The following POLR3B variants were observed in gnomAD, a reference collection of about 807,000 sequenced individuals.
The protein encoded by POLR3B is DNA-directed RNA polymerase III subunit RPC2.
POLR3B carries 96 observed loss-of-function variants against 147.4 expected under a neutral mutation model. The observed-to-expected ratio is 0.65, with a 90% confidence interval of 0.55 to 0.77. The LOEUF (loss-of-function observed/expected upper bound fraction) is 0.77. POLR3B is among the 30% of genes least tolerant of loss of function. The pLI is 0.00. For synonymous variants in POLR3B, 461 were observed against 485.9 expected (o/e 0.95, Z 0.67); for missense variants, 1,036 against 1,413.5 (o/e 0.73, Z 4.28).
chr12:106,465,825 C>T (rs896091896), intron 23 of POLR3B, among the ~76,000 whole-genome samples: 2 of 152,168 alleles, frequency 1.3e-5, no homozygotes, highest in Non-Finnish European at 2.9e-5. Flanking sequence ...GTATTCCATA[C>T]TGTATATGTG....
At chr12:106,490,254 A>T (rs75920597) in intron 23 of POLR3B, among the ~76,000 whole-genome samples, 2,443 of 152,254 alleles carry the variant, frequency 0.016, 65 homozygotes, top group African/African-American at 0.055. Context: ...CTCTTGACAC[A>T]TTCAGCCGTG....
chr12:106,432,446 C>G lies in POLR3B; in HGVS notation c.1593C>G (p.Leu531=), dbSNP rs1593038230. ...EDVNLLCGEE[L]SYPNVFLVFL... ...TGAATTTATTATGTGGGGAAGAGCTCTCTTACCCAAATGTGTTTCTTGTCT... is the reference window on the plus strand; with the variant it reads ...TGAATTTATTATGTGGGGAAGAGCTGTCTTACCCAAATGTGTTTCTTGTCT... Residue 531 remains leucine (L), a synonymous_variant, in exon 15 of 28, where the codon CTC becomes CTG. Coordinates refer to ENST00000228347, the MANE Select transcript of POLR3B (RefSeq NM_018082.6). The G allele has an allele frequency of 6.2e-6, 10 of 1,613,328 alleles. No individual in the cohort carries two copies. The highest frequency in any genetic ancestry group is 8.5e-6 in the Non-Finnish European group (10 of 1,179,312).
At position 106,363,997 on chromosome 12, in the gene POLR3B, A is replaced by T. The variant is rs991414901; in HGVS notation, c.105+95A>T. ...TAAAGATTAAATTTTTGTCATCAAC[A>T]TTTTTTGATTTTGTATAGCTGTGTT... On this transcript the variant is annotated intron_variant, in intron 2 of 27. Coordinates refer to ENST00000228347, the MANE Select transcript of POLR3B (RefSeq NM_018082.6). The T allele has an allele frequency of 4.4e-6, 4 of 913,866 alleles. No individual in the cohort carries two copies. In the Admixed American group the frequency reaches 7.9e-5, roughly 18 times the overall value. The allele number at this position is 913,866 out of a possible 1,614,324, so 56.6% of individuals were successfully genotyped here. A position where few individuals can be genotyped will look rare whatever the true frequency, so the allele number is the denominator to read the frequency against.
At chr12:106,405,579 C>CACACACAA (rs893279246) in intron 10 of POLR3B, among the ~76,000 whole-genome samples, 1 of 145,234 alleles carries the variant, frequency 6.9e-6, no homozygotes. Flanking sequence ...CACACACACA[C>CACACACAA]AAATATATTT....
intron 20 of POLR3B, among the ~76,000 whole-genome samples, chr12:106,455,299 T>C (rs1376012199): frequency 4.6e-5 from 7 of 152,188 alleles, no homozygotes; most frequent in African/African-American, 1.7e-4. Context: ...CTGACTTCTC[T>C]ATTCATAATC....
chr12:106,419,794 CTTTTT>C lies in POLR3B; in HGVS notation c.1102-7386_1102-7382del, dbSNP rs56756383. On this transcript the variant is annotated intron_variant, in intron 12 of 27. Transcript: ENST00000228347. ...ATAGTGAGCCAGATATTTAGTTTTG[CTTTTT>C]TTTTTTTTTTTTTTTTAATGAACTT... is the stretch of plus-strand genomic sequence containing the variant. Among the ~76,000 whole-genome samples, 139 of 88,944 alleles carry C rather than the reference CTTTTT, an allele frequency of 1.6e-3. No individual in the cohort carries two copies. In the Middle Eastern group the frequency reaches 0.047, roughly 30 times the overall value. 58.4% of individuals were successfully genotyped at this position (88,944 alleles called of 152,430 possible).
chr12:106,471,016 G>C (rs2038083583), intron 23 of POLR3B, among the ~76,000 whole-genome samples: 1 of 152,212 alleles, frequency 6.6e-6, no homozygotes, highest in Admixed American at 6.5e-5. Flanking sequence ...TGACGTTTAA[G>C]TCTGGAGAAG....
At chr12:106,389,508 C>A (rs529735366) in intron 9 of POLR3B, among the ~76,000 whole-genome samples, 1 of 152,280 alleles carries the variant, frequency 6.6e-6, no homozygotes, top group Admixed American at 6.5e-5. Context: ...CTTGAAGTGG[C>A]AATCCATACG....
intron 9 of POLR3B, among the ~76,000 whole-genome samples, chr12:106,384,175 G>GA (rs2036802878): frequency 1.3e-5 from 2 of 151,772 alleles, no homozygotes; most frequent in Non-Finnish European, 2.9e-5. Flanking sequence ...CTTAAATTTG[G>GA]AAAAAACACA....
At chr12:106,414,811 G>A (rs1291045156) in intron 12 of POLR3B, among the ~76,000 whole-genome samples, 17 of 152,128 alleles carry the variant, frequency 1.1e-4, no homozygotes, top group African/African-American at 2.4e-5. Context: ...ACTAAACTTA[G>A]CAACTAATAA....
At chr12:106,500,039 G>C in intron 25 of POLR3B, 1 of 455,092 alleles carries the variant, frequency 2.2e-6, no homozygotes, top group South Asian at 1.6e-5. Flanking sequence ...CCCTGGATTT[G>C]AACCCTCACT....
chr12:106,408,310 T>C (rs961847757), intron 11 of POLR3B, among the ~76,000 whole-genome samples: 1 of 152,194 alleles, frequency 6.6e-6, no homozygotes, highest in Non-Finnish European at 1.5e-5. Context: ...TCTCAGTGCT[T>C]GTCCTTGAGG....
At chr12:106,456,874 G>A (rs961813301) in intron 20 of POLR3B, among the ~76,000 whole-genome samples, 2 of 152,166 alleles carry the variant, frequency 1.3e-5, no homozygotes, top group African/African-American at 4.8e-5. Flanking sequence ...TCTCCAGTAT[G>A]ACAAGGTGTA....
In POLR3B at chr12:106,509,741, G is replaced by A. The variant is rs1265553982; in HGVS notation, c.*192G>A. 1.5e-5 allele frequency: 8 copies of A among 522,258 alleles called. No individual in the cohort carries two copies. The highest frequency in any genetic ancestry group is 2.4e-5 in the Non-Finnish European group (7 of 287,564). 32.4% of individuals were successfully genotyped at this position (522,258 alleles called of 1,614,324 possible). ...TAAACAACCTTGATCATTGAGCCTC[G>A]AGCCATGGGAGAGATGCTGACCATG... On this transcript the variant is annotated 3_prime_UTR_variant, in exon 28 of 28. Coordinates refer to ENST00000228347, the MANE Select transcript of POLR3B (RefSeq NM_018082.6).
intron 19 of POLR3B, among the ~76,000 whole-genome samples, chr12:106,450,247 CCTAAATGTAAGAG>C (rs1245433773): frequency 6.6e-6 from 1 of 152,022 alleles, no homozygotes; most frequent in Non-Finnish European, 1.5e-5. Flanking sequence ...ATATTATAGC[CCTAAATGTAAGAG>C]CTAAAACCGT....
chr12:106,409,795 A>G (rs1248773527), intron 11 of POLR3B, among the ~76,000 whole-genome samples: 1 of 152,040 alleles, frequency 6.6e-6, no homozygotes, highest in African/African-American at 2.4e-5. Context: ...TTAAAATAGT[A>G]TGTATCATCT....
In POLR3B at chr12:106,493,034, G is replaced by A. The variant is rs79263295; in HGVS notation, c.2714-3021G>A. On this transcript the variant is annotated intron_variant, in intron 23 of 27. Coordinates refer to ENST00000228347, the MANE Select transcript of POLR3B (RefSeq NM_018082.6). ...TGGGAGGCTGTGCTGTAAACAATGGGGTTGAGACACCAGCTTGAGCCAGGG... is the reference window on the plus strand; with the variant it reads ...TGGGAGGCTGTGCTGTAAACAATGGAGTTGAGACACCAGCTTGAGCCAGGG... Among the ~76,000 whole-genome samples the A allele has an allele frequency of 6.8e-4, 103 of 152,208 alleles. 1 individual carries two copies. The East Asian group carries it at 0.017, about 25-fold the overall frequency.
At chr12:106,479,696 A>G (rs1481445008) in intron 23 of POLR3B, among the ~76,000 whole-genome samples, 4 of 151,906 alleles carry the variant, frequency 2.6e-5, no homozygotes, top group South Asian at 4.1e-4. Context: ...TCTTTCTCTT[A>G]TAGCAAGAAG....
At chr12:106,458,704 AT>A (rs1186082898) in intron 21 of POLR3B, among the ~76,000 whole-genome samples, 3 of 152,012 alleles carry the variant, frequency 2.0e-5, no homozygotes, top group Non-Finnish European at 2.9e-5. Context: ...TTCTTGGAGA[AT>A]TTTTCTCACC....
Sources: gnomAD v4.1 joint callset for allele counts (sites outside exome capture counted in the v4.1 genomes callset) on GRCh38, gnomAD v4.1.1 for gene constraint, MANE v1.5 for transcripts, NCBI Gene and HGNC (gene_info 2026-07-23, HGNC 2026-07-21) for gene names.